The following PNISR variants were observed in gnomAD, a reference collection of about 807,000 sequenced individuals.
PNISR encodes the protein arginine/serine-rich protein PNISR.
In PNISR, 20 loss-of-function variants were observed where a neutral mutation model predicts 93.4. The ratio of observed to expected loss-of-function variants is 0.21; its 90% CI spans 0.15 to 0.31. The LOEUF (loss-of-function observed/expected upper bound fraction) is 0.31. Among genes scored for constraint, PNISR ranks in the 10% least tolerant of loss-of-function variants. The probability of loss-of-function intolerance (pLI) is 1.00; values close to 1 mark genes in which losing one functional copy is unlikely to be tolerated. For missense variants in PNISR, 893 were observed against 985.4 expected (o/e 0.91, Z 1.25); for synonymous variants, 305 against 306.5 (o/e 0.99, Z 0.05).
chr6:99,422,407 A>C (rs1778681844), intron 1 of PNISR, among the ~76,000 whole-genome samples: 1 of 152,202 alleles, frequency 6.6e-6, no homozygotes, highest in Non-Finnish European at 1.5e-5. Context: ...GAGTTGACTG[A>C]CCTCAAAGTC....
chr6:99,411,101 TTTTG>T (rs759323399), intron 4 of PNISR, 137 bp from the exon 5 acceptor site: 61 of 645,998 alleles, frequency 9.4e-5, no homozygotes, highest in African/African-American at 8.9e-4. Flanking sequence ...GTCAAATTCC[TTTTG>T]TTTATCTTAA....
intron 1 of PNISR, among the ~76,000 whole-genome samples, chr6:99,423,050 A>G (rs1319932708): frequency 6.6e-6 from 1 of 152,072 alleles, no homozygotes; most frequent in African/African-American, 2.4e-5. Context: ...AAAAGGAATC[A>G]GAGATCTTTA....
chr6:99,419,150 CT>C (rs1778158057), intron 1 of PNISR, among the ~76,000 whole-genome samples: 2 of 38,168 alleles, frequency 5.2e-5, no homozygotes, highest in African/African-American at 1.9e-4. Flanking sequence ...GAGACTCCGT[CT>C]CAAAAAAAAA....
chr6:99,422,749 C>T lies in PNISR; in HGVS notation c.-112+2466G>A, dbSNP rs142816179. Reference sequence around the variant, plus strand: ...ATTAGCTGGGCATGGTGGCATATACCTGTAGTCCCAGCTACTTAGCAGGCT... The same window carrying T: ...ATTAGCTGGGCATGGTGGCATATACTTGTAGTCCCAGCTACTTAGCAGGCT... On this transcript the variant is annotated intron_variant, in intron 1 of 11. Coordinates refer to ENST00000369239, the MANE Select transcript of PNISR (RefSeq NM_032870.4). Among the ~76,000 whole-genome samples, 1,093 of 152,086 alleles carry T rather than the reference C, an allele frequency of 7.2e-3. 21 individuals carry two copies. Among genetic ancestry groups the T allele is most frequent in the African/African-American group, 0.025 (1,052 of 41,482 alleles).
At chr6:99,415,421 T>C (rs1777547071) in intron 2 of PNISR, 1 of 152,128 alleles carries the variant, frequency 6.6e-6, no homozygotes, top group Admixed American at 6.5e-5. Flanking sequence ...TCTTAACATA[T>C]AAATAGCATG....
intron 7 of PNISR, 145 bp from the exon 8 acceptor site, chr6:99,406,313 C>T: frequency 2.3e-6 from 1 of 438,900 alleles, no homozygotes; most frequent in Non-Finnish European, 4.0e-6. Flanking sequence ...ACATTTACTA[C>T]AGATTTCATT....
chr6:99,420,184 T>C (rs1000633829), intron 1 of PNISR, among the ~76,000 whole-genome samples: 2 of 152,330 alleles, frequency 1.3e-5, no homozygotes, highest in South Asian at 2.1e-4. Flanking sequence ...TCCCGGCCCA[T>C]AACTGCATTC....
At position 99,416,439 on chromosome 6, in the gene PNISR, A is replaced by G. The variant is rs1324670051; in HGVS notation, c.-111-11T>C. 9.6e-7 allele frequency: 1 copy of G among 1,041,318 alleles called. No individual in the cohort carries two copies. The highest frequency in any genetic ancestry group is 1.2e-6 in the Non-Finnish European group (1 of 814,360). 64.5% of individuals were successfully genotyped at this position (1,041,318 alleles called of 1,614,324 possible). A position where few individuals can be genotyped will look rare whatever the true frequency, so the allele number is the denominator to read the frequency against. ...AAGATTATGTATGCCCTAGGGGGAAAAAAAGTAGATGTCTGCTTATAGATT... is the reference window on the plus strand; with the variant it reads ...AAGATTATGTATGCCCTAGGGGGAAGAAAAGTAGATGTCTGCTTATAGATT... On this transcript the variant is annotated splice_polypyrimidine_tract_variant and intron_variant, in intron 1 of 11. Coordinates refer to ENST00000369239, the MANE Select transcript of PNISR (RefSeq NM_032870.4).
intron 7 of PNISR, 79 bp downstream of exon 7, chr6:99,408,002 G>A: frequency 9.7e-7 from 1 of 1,030,360 alleles, no homozygotes; most frequent in South Asian, 1.6e-5. Flanking sequence ...CTTTCCTATA[G>A]GCTAAAATAT....
In PNISR at chr6:99,398,309, C is replaced by T. The variant is rs1775095215; in HGVS notation, c.*2231G>A. ...TATTATTTTAGAAAAGATTTCATAA[C>T]CAAATTATACATCTAATTAACTTAT... On this transcript the variant is annotated 3_prime_UTR_variant, in exon 12 of 12. Coordinates refer to ENST00000369239, the MANE Select transcript of PNISR (RefSeq NM_032870.4). 1.3e-5 allele frequency: 2 copies of T among 152,014 alleles called. No individual in the cohort carries two copies. Among genetic ancestry groups the T allele is most frequent in the Non-Finnish European group, 2.9e-5 (2 of 67,964 alleles). 9.4% of individuals were successfully genotyped at this position (152,014 alleles called of 1,614,324 possible). A position where few individuals can be genotyped will look rare whatever the true frequency, so the allele number is the denominator to read the frequency against.
At chr6:99,417,899 C>T (rs1258468165) in intron 1 of PNISR, among the ~76,000 whole-genome samples, 2 of 138,548 alleles carry the variant, frequency 1.4e-5, no homozygotes, top group East Asian at 2.3e-4. Context: ...ATCTGGGAGG[C>T]GGAGGTTGCA....
chr6:99,412,809 A>G, intron 3 of PNISR, 70 bp from the exon 4 acceptor site: 1 of 928,876 alleles, frequency 1.1e-6, no homozygotes, highest in Non-Finnish European at 1.6e-6. Flanking sequence ...TCTATGTAAA[A>G]TAAGCAGCTC....
chr6:99,416,071 G>A (rs1034166666), intron 2 of PNISR: 5 of 231,766 alleles, frequency 2.2e-5, no homozygotes, highest in South Asian at 1.8e-4. Flanking sequence ...GACATTATTA[G>A]AATATGGCAA....
chr6:99,409,251 T>G lies in PNISR; in HGVS notation c.595A>C (p.Arg199=). The G allele has an allele frequency of 1.2e-6, 2 of 1,613,952 alleles. No individual in the cohort carries two copies. The highest frequency in any genetic ancestry group is 1.7e-6 in the Non-Finnish European group (2 of 1,179,904). Residue 199 remains arginine, a synonymous_variant, in exon 6 of 12, where the codon AGA becomes CGA. Transcript: ENST00000369239. ...TCCCTGAATGATGATGGCCTTTCTC[T>G]TCGATTCTGGGGAGGTGCTGGAGGT... ...PGPPAPPQNR[R]ERPSSFRDRQ...
intron 4 of PNISR, 134 bp downstream of exon 4, chr6:99,412,417 A>C (rs919226172): frequency 5.5e-6 from 4 of 733,568 alleles, no homozygotes; most frequent in African/African-American, 3.5e-5. Flanking sequence ...AAGTCAAATC[A>C]AATTGAAAAC....
At position 99,402,646 on chromosome 6, in the gene PNISR, T is replaced by C. The variant is rs1215769667; in HGVS notation, c.1221A>G (p.Ser407=). The change falls in exon 11 of 12, where the codon TCA becomes TCG. Residue 407 remains serine, a synonymous_variant. Coordinates refer to ENST00000369239, the MANE Select transcript of PNISR (RefSeq NM_032870.4). ...GTAATTCTTCATCATCAGTGTCAGA[T>C]GACTCAGATCCTCTGTCACTCCTCT... ...EDERSDRGSE[S]SDTDDEELRH... is the part of the protein sequence containing the mutation. 3 of 1,613,306 alleles carry C rather than the reference T, an allele frequency of 1.9e-6. No homozygotes were observed. The highest frequency in any genetic ancestry group is 1.1e-5 in the South Asian group (1 of 91,044).
chr6:99,404,970 G>A (rs1775976174), intron 8 of PNISR, among the ~76,000 whole-genome samples: 1 of 151,858 alleles, frequency 6.6e-6, no homozygotes, highest in African/African-American at 2.4e-5. Flanking sequence ...GTAGAGATGG[G>A]GTTTCACCAT....
In PNISR at chr6:99,409,286, C is replaced by G. The variant is rs1262132438; in HGVS notation, c.560G>C (p.Gly187Ala). Residue 187 changes from glycine to alanine, a missense_variant, in exon 6 of 12, where the codon GGA becomes GCA. Transcript: ENST00000369239. ...GGFHPPYWQP[G>A]PPGPPAPPQN... is the part of the protein sequence containing the mutation. ...GGGAGGTGCTGGAGGTCCTGGAGGT[C>G]CTGGTTGCCAATAAGGAGGATGAAA... 6.2e-7 allele frequency: 1 copy of G among 1,613,912 alleles called. No homozygotes were observed. The highest frequency in any genetic ancestry group is 1.1e-5 in the South Asian group (1 of 91,068).
At chr6:99,419,401 C>T (rs886466841) in intron 1 of PNISR, among the ~76,000 whole-genome samples, 4 of 151,976 alleles carry the variant, frequency 2.6e-5, no homozygotes, top group African/African-American at 9.7e-5. Context: ...CAGTTGATTC[C>T]TATTCAGCCA....
Sources: allele counts gnomAD v4.1 joint callset (sites outside exome capture counted in the v4.1 genomes callset), GRCh38; gene constraint gnomAD v4.1.1; transcripts MANE v1.5; gene names NCBI Gene and HGNC (gene_info 2026-07-23, HGNC 2026-07-21).